The following PARD3 variants were observed in gnomAD, a reference collection of about 807,000 sequenced individuals.
PARD3 encodes partitioning defective 3 homolog.
Under a neutral mutation model 155.4 loss-of-function variants are expected in PARD3, and 75 were observed. The observed-to-expected ratio is 0.48, with a 90% CI of 0.40 to 0.58. PARD3 has a LOEUF of 0.58. Ranked by LOEUF, PARD3 falls within the 20% of genes least tolerant of loss-of-function variation. The pLI is 0.00. For missense variants in PARD3, 1,642 were observed against 1,721.7 expected, an observed-to-expected ratio of 0.95 and a Z score of 0.82; for synonymous variants, 576 against 610.5, an observed-to-expected ratio of 0.94 and a Z score of 0.83.
chr10:34,186,496 C>T (rs919690320), intron 22 of PARD3, among the ~76,000 whole-genome samples: 1 of 152,136 alleles, frequency 6.6e-6, no homozygotes, highest in African/African-American at 2.4e-5. Context: ...TCTCACCTCA[C>T]TGTTGGACTG....
intron 1 of PARD3, among the ~76,000 whole-genome samples, chr10:34,781,477 T>TA (rs2134170659): frequency 6.6e-6 from 1 of 152,302 alleles, no homozygotes; most frequent in South Asian, 2.1e-4. Context: ...AGGCTTGGTT[T>TA]AAAAGGAAAA....
intron 22 of PARD3, among the ~76,000 whole-genome samples, chr10:34,233,902 C>T (rs1953074568): frequency 6.6e-6 from 1 of 152,086 alleles, no homozygotes; most frequent in African/African-American, 2.4e-5. Flanking sequence ...TTACACTCTG[C>T]ACTGTGATGT....
At chr10:34,728,244 A>G (rs540830691) in intron 1 of PARD3, among the ~76,000 whole-genome samples, 2 of 152,346 alleles carry the variant, frequency 1.3e-5, no homozygotes, top group Non-Finnish European at 2.9e-5. Context: ...AGGCTCTTGA[A>G]TATTTGACAA....
chr10:34,345,368 A>G, intron 15 of PARD3: 1 of 985,110 alleles, frequency 1.0e-6, no homozygotes, highest in South Asian at 4.7e-5. Flanking sequence ...ATAGGGGATT[A>G]CTCCATATGA....
chr10:34,469,965 C>T (rs2078247569), intron 4 of PARD3, 120 bp downstream of exon 4: 1 of 713,532 alleles, frequency 1.4e-6, no homozygotes, highest in African/African-American at 1.8e-5. Flanking sequence ...ACCACGCTCA[C>T]AAAAGGCCAT....
intron 12 of PARD3, among the ~76,000 whole-genome samples, chr10:34,370,702 T>C (rs1270938900): frequency 6.6e-6 from 1 of 152,134 alleles, no homozygotes; most frequent in Non-Finnish European, 1.5e-5. Flanking sequence ...CTATGATACT[T>C]ATCCTAAACC....
intron 20 of PARD3, among the ~76,000 whole-genome samples, chr10:34,304,932 A>G (rs1221404042): frequency 6.6e-6 from 1 of 152,206 alleles, no homozygotes; most frequent in Non-Finnish European, 1.5e-5. Context: ...CAGAAATGGA[A>G]TAAAAACTGA....
intron 2 of PARD3, among the ~76,000 whole-genome samples, chr10:34,587,112 A>T (rs2088142917): frequency 1.3e-5 from 2 of 151,946 alleles, no homozygotes; most frequent in South Asian, 4.2e-4. Context: ...GCTAATGTTT[A>T]TTTTTTTTAT....
At position 34,589,636 on chromosome 10, in the gene PARD3, CAAAAAAA is replaced by C. The variant is rs35357373; in HGVS notation, c.223-72484_223-72478del. Reference sequence around the variant, plus strand: ...AGCAAAACTAATATAAGTACATGTCCAAAAAAAAAAAAAAAAAAAAAACCAAGCATGT... The same window carrying C: ...AGCAAAACTAATATAAGTACATGTCCAAAAAAAAAAAAAAACCAAGCATGT... On this transcript the variant is annotated intron_variant, in intron 2 of 24. Transcript: ENST00000374788. Among the ~76,000 whole-genome samples the C allele has an allele frequency of 1.4e-4, 12 of 84,280 alleles. No individual in the cohort carries two copies. The South Asian group carries it at 3.0e-3, about 21-fold the overall frequency. 55.3% of individuals were successfully genotyped at this position (84,280 alleles called of 152,430 possible).
chr10:34,374,096 T>C (rs1324878944), intron 11 of PARD3, among the ~76,000 whole-genome samples: 1 of 152,120 alleles, frequency 6.6e-6, no homozygotes, highest in Non-Finnish European at 1.5e-5. Context: ...ATAAAACAAT[T>C]TTCTTACCAC....
chr10:34,800,263 A>ATAGG (rs1292388039), intron 1 of PARD3, among the ~76,000 whole-genome samples: 3 of 152,198 alleles, frequency 2.0e-5, no homozygotes, highest in African/African-American at 4.8e-5. Context: ...ACCCCAGCAC[A>ATAGG]TAGGGCCTGA....
At chr10:34,800,283 T>A (rs1455961970) in intron 1 of PARD3, among the ~76,000 whole-genome samples, 3 of 152,114 alleles carry the variant, frequency 2.0e-5, no homozygotes, top group Non-Finnish European at 4.4e-5. Flanking sequence ...ATACAACATG[T>A]GCCATGAGTG....
chr10:34,702,358 AAAT>A (rs987060502), intron 1 of PARD3, among the ~76,000 whole-genome samples: 61 of 151,904 alleles, frequency 4.0e-4, no homozygotes, highest in Admixed American at 5.9e-4. Flanking sequence ...GTCTCAGAAA[AAAT>A]AATAATAATA....
At chr10:34,517,665 TTC>T (rs1250930736) in intron 2 of PARD3, among the ~76,000 whole-genome samples, 2 of 152,066 alleles carry the variant, frequency 1.3e-5, no homozygotes, top group African/African-American at 2.4e-5. Context: ...GTAAATTTGT[TTC>T]TCTTTAGCAA....
At chr10:34,687,241 AAAC>A (rs1319552759) in intron 2 of PARD3, among the ~76,000 whole-genome samples, 2 of 152,144 alleles carry the variant, frequency 1.3e-5, no homozygotes, top group African/African-American at 4.8e-5. Flanking sequence ...AGAGGCACCA[AAAC>A]AACATCAGTA....
chr10:34,424,634 C>T (rs1346716561), intron 5 of PARD3, among the ~76,000 whole-genome samples: 1 of 152,070 alleles, frequency 6.6e-6, no homozygotes, highest in East Asian at 1.9e-4. Context: ...CATTTCTCAG[C>T]CTCAGCAGAG....
intron 21 of PARD3, among the ~76,000 whole-genome samples, chr10:34,270,487 T>G (rs1450511431): frequency 6.6e-6 from 1 of 152,168 alleles, no homozygotes; most frequent in Non-Finnish European, 1.5e-5. Context: ...TAACTAGCTT[T>G]AAAAACTCGC....
At chr10:34,249,884 C>T (rs147510111) in intron 22 of PARD3, among the ~76,000 whole-genome samples, 19 of 152,282 alleles carry the variant, frequency 1.2e-4, no homozygotes, top group African/African-American at 2.4e-4. Flanking sequence ...GCTGCACATC[C>T]GAGGCCACAT....
At chr10:34,698,003 C>T (rs533299569) in intron 1 of PARD3, among the ~76,000 whole-genome samples, 100 of 152,170 alleles carry the variant, frequency 6.6e-4, no homozygotes, top group Non-Finnish European at 6.9e-4. Context: ...GAAATAATGT[C>T]CTGGGGGTGA....
Sources: gnomAD v4.1 joint callset for allele counts (sites outside exome capture counted in the v4.1 genomes callset) on GRCh38, gnomAD v4.1.1 for gene constraint, MANE v1.5 for transcripts, NCBI Gene and HGNC (gene_info 2026-07-23, HGNC 2026-07-21) for gene names.